Variants in SMG5 observed in about 807,000 individuals in gnomAD.
SMG5 encodes the protein nonsense-mediated mRNA decay factor SMG5.
A neutral mutation model predicts 122.9 loss-of-function variants in SMG5; 53 were observed. The ratio of observed to expected loss-of-function variants is 0.43; its 90% confidence interval spans 0.35 to 0.54. SMG5 has a LOEUF of 0.54. SMG5 is among the 20% of genes least tolerant of loss of function. The probability of loss-of-function intolerance (pLI) is 0.01; values close to 1 mark genes in which losing one functional copy is unlikely to be tolerated. For missense variants in SMG5, 1,153 were observed against 1,285.6 expected, an observed-to-expected ratio of 0.90 and a Z score of 1.58; for synonymous variants, 477 against 490.2, an observed-to-expected ratio of 0.97 and a Z score of 0.35.
chr1:156,278,924 T>C lies in SMG5; in HGVS notation c.173+12A>G. On this transcript the variant is annotated intron_variant, in intron 2 of 21. Transcript: ENST00000361813. Reference sequence around the variant, plus strand: ...AACAGTAAGGATCTGTGGTTTAGAGTCTCTAGCTTACTTGTTCCTCAGGCT... The same window carrying C: ...AACAGTAAGGATCTGTGGTTTAGAGCCTCTAGCTTACTTGTTCCTCAGGCT... 1 of 1,606,500 alleles carries C rather than the reference T, an allele frequency of 6.2e-7. No homozygotes were observed. Among genetic ancestry groups the C allele is most frequent in the Non-Finnish European group, 8.5e-7 (1 of 1,173,108 alleles).
chr1:156,282,616 C>T lies in SMG5; in HGVS notation c.65G>A (p.Arg22Gln), dbSNP rs1384175609. ...CCCTGGCCCCTCTCACCGGTAAAGC[C>T]GCTTAGTGTGGAGGACTTTTGCTTC... ...EPEAKVLHTK[R>Q]LYRAVVEAVH... The change falls in exon 1 of 22, where the codon CGG becomes CAG. Residue 22 changes from arginine to glutamine, a missense_variant. Physicochemically the swap from Arg to Gln is conservative, Grantham distance 43. Coordinates refer to ENST00000361813, the MANE Select transcript of SMG5 (RefSeq NM_015327.3). 1 of 1,608,856 alleles carries T rather than the reference C, an allele frequency of 6.2e-7. No individual in the cohort carries two copies. Among genetic ancestry groups the T allele is most frequent in the Non-Finnish European group, 8.5e-7 (1 of 1,179,666 alleles).
In SMG5 at chr1:156,253,448, C is replaced by T. The variant is rs774964884; in HGVS notation, c.2502+1G>A. The T allele has an allele frequency of 6.2e-7, 1 of 1,614,092 alleles. No individual in the cohort carries two copies. Among genetic ancestry groups the T allele is most frequent in the Non-Finnish European group, 8.5e-7 (1 of 1,180,012 alleles). On this transcript the variant is annotated splice_donor_variant, in intron 17 of 21. Transcript: ENST00000361813. LOFTEE classifies it high-confidence loss of function. The stretch of plus-strand genomic sequence containing the variant: ...GAAGCACTTGGGTCCTGATTTCCTA[C>T]CTGAAGTCGTAGCTGAGCCATGTCT...
At chr1:156,270,389 A>G (rs1414297445) in intron 7 of SMG5, among the ~76,000 whole-genome samples, 4 of 152,232 alleles carry the variant, frequency 2.6e-5, no homozygotes, top group African/African-American at 9.6e-5. Flanking sequence ...GCATGGTCCT[A>G]AGACCACACA....
chr1:156,262,259 G>A (rs1019089599), intron 13 of SMG5, among the ~76,000 whole-genome samples: 9 of 152,110 alleles, frequency 5.9e-5, no homozygotes, highest in African/African-American at 1.7e-4. Flanking sequence ...CACTTTGGGA[G>A]GCTGAGGCAG....
chr1:156,282,682 G>A lies in SMG5; in HGVS notation c.-2C>T, dbSNP rs1333965681. The A allele has an allele frequency of 3.1e-6, 5 of 1,601,054 alleles. No individual in the cohort carries two copies. The highest frequency in any genetic ancestry group is 1.7e-5 in the Admixed American group (1 of 59,578). On this transcript the variant is annotated 5_prime_UTR_variant, in exon 1 of 22. Transcript: ENST00000361813. ...CCCTGTGGGGGGGCCTTGGCTCATG[G>A]TGCCCGGGTCCGGGGGCAGCTCCCG...
chr1:156,250,529 G>A lies in SMG5; in HGVS notation c.*58C>T. On this transcript the variant is annotated 3_prime_UTR_variant, in exon 22 of 22. Transcript: ENST00000361813. ...GTGACTACAGGTGCTGGTCCTGGCT[G>A]CCAGGGAGGGCAGGAGAGATCTGGA... The A allele has an allele frequency of 1.3e-6, 2 of 1,482,892 alleles. No individual in the cohort carries two copies. Among genetic ancestry groups the A allele is most frequent in the South Asian group, 1.1e-5 (1 of 88,366 alleles). The allele number at this position is 1,482,892 out of a possible 1,614,324, so 91.9% of individuals were successfully genotyped here.
rs531083000 is a variant in SMG5, at chr1:156,278,787, C to A, written c.173+149G>T. The A allele has an allele frequency of 2.1e-4, 139 of 670,542 alleles. 3 individuals are homozygous for A. The South Asian group carries it at 2.4e-3, about 12-fold the overall frequency. The allele number at this position is 670,542 out of a possible 1,614,324, so 41.5% of individuals were successfully genotyped here. ...GATGGAGTGAGGGATCCTATCTCCT[C>A]TCTTAGGAAGGCCAGAGATTTCAGA... On this transcript the variant is annotated intron_variant, in intron 2 of 21. Transcript: ENST00000361813.
chr1:156,255,060 C>T (rs1419749375), intron 16 of SMG5, among the ~76,000 whole-genome samples: 2 of 151,620 alleles, frequency 1.3e-5, no homozygotes, highest in Admixed American at 1.3e-4. Flanking sequence ...CACTGTACTA[C>T]AGCCTGGGTG....
chr1:156,267,810 T>G (rs1045441719), intron 9 of SMG5, 132 bp from the exon 10 acceptor site: 2 of 800,338 alleles, frequency 2.5e-6, no homozygotes, highest in Non-Finnish European at 4.0e-6. Flanking sequence ...CAGGGAAGGG[T>G]AGTGCTGGAT....
chr1:156,270,498 C>T (rs745958648), intron 7 of SMG5, among the ~76,000 whole-genome samples: 25 of 152,326 alleles, frequency 1.6e-4, no homozygotes, highest in Middle Eastern at 3.4e-3. Flanking sequence ...TAGGAGAAGG[C>T]GGATTGCCCA....
Position 156,265,875 on chromosome 1 carries a change from A to G in SMG5, c.1761T>C (p.Phe587=). The part of the protein sequence containing the change: ...TKRCFRLAPT[F]SNLLLQPTTN... ...TGGTGGGCTGGAGGAGCAGGTTGCT[A>G]AAGGTGGGGGCCAGTCGGAAGCAGC... Residue 587 remains phenylalanine (F), a synonymous_variant, in exon 12 of 22, where the codon TTT becomes TTC. Transcript: ENST00000361813. 6.2e-7 allele frequency: 1 copy of G among 1,614,038 alleles called. No homozygotes were observed. The highest frequency in any genetic ancestry group is 1.1e-5 in the South Asian group (1 of 91,068).
At chr1:156,269,819 G>A (rs1303592254) in intron 7 of SMG5, among the ~76,000 whole-genome samples, 3 of 152,194 alleles carry the variant, frequency 2.0e-5, no homozygotes, top group Non-Finnish European at 4.4e-5. Flanking sequence ...AGCTTGCAGC[G>A]AGCTGAGATC....
chr1:156,253,552 C>T (rs1184747288), intron 16 of SMG5, 44 bp from the exon 17 acceptor site: 1 of 1,591,588 alleles, frequency 6.3e-7, no homozygotes, highest in East Asian at 2.2e-5. Flanking sequence ...GGTGTATTTT[C>T]CCTTCTCCAG....
At chr1:156,261,766 T>G (rs143135497) in intron 13 of SMG5, among the ~76,000 whole-genome samples, 3,447 of 151,864 alleles carry the variant, frequency 0.023, 136 homozygotes, top group African/African-American at 0.08. Context: ...GGCAGGTGCC[T>G]ATAATCCCAG....
intron 2 of SMG5, among the ~76,000 whole-genome samples, chr1:156,278,491 A>G (rs1307497042): frequency 1.3e-5 from 2 of 151,450 alleles, no homozygotes; most frequent in Admixed American, 6.6e-5. Flanking sequence ...GCCTAACTAC[A>G]GGTGTGCGGG....
chr1:156,261,894 A>G (rs1421683551), intron 13 of SMG5, among the ~76,000 whole-genome samples: 1 of 91,864 alleles, frequency 1.1e-5, no homozygotes, highest in Non-Finnish European at 2.9e-5. Flanking sequence ...CCTTCTCAAA[A>G]AAAAAAAAAA....
In SMG5 at chr1:156,249,418, C is replaced by T. The variant is rs1460627455; in HGVS notation, c.*1169G>A. ...GGGTGGGGGCAGCAGAGCTGAGACCCTCCACCCCGAGCCCCTAGCCTGTGC... is the reference window on the plus strand; with the variant it reads ...GGGTGGGGGCAGCAGAGCTGAGACCTTCCACCCCGAGCCCCTAGCCTGTGC... On this transcript the variant is annotated 3_prime_UTR_variant, in exon 22 of 22. Transcript: ENST00000361813. 3.2e-6 allele frequency: 1 copy of T among 307,824 alleles called. No individual in the cohort carries two copies. The highest frequency in any genetic ancestry group is 8.8e-5 in the East Asian group (1 of 11,364). 19.1% of individuals were successfully genotyped at this position (307,824 alleles called of 1,614,324 possible).
chr1:156,282,782 C>A lies in SMG5; in HGVS notation c.-102G>T, dbSNP rs1663027007. 8.0e-7 allele frequency: 1 copy of A among 1,252,870 alleles called. No individual in the cohort carries two copies. Among genetic ancestry groups the A allele is most frequent in the African/African-American group, 1.5e-5 (1 of 64,946 alleles). 77.6% of individuals were successfully genotyped at this position (1,252,870 alleles called of 1,614,324 possible). On this transcript the variant is annotated 5_prime_UTR_variant, in exon 1 of 22. Coordinates refer to ENST00000361813, the MANE Select transcript of SMG5 (RefSeq NM_015327.3). The stretch of plus-strand genomic sequence containing the variant: ...CCGTAGCCGCAGCCGCCGCCGCCAC[C>A]GGCCCTGCTCGGCCGCCATCGCTGT...
At chr1:156,267,406 A>C in intron 10 of SMG5, 64 bp downstream of exon 10, 1 of 1,503,072 alleles carries the variant, frequency 6.7e-7, no homozygotes, top group Admixed American at 1.7e-5. Context: ...AAGGAGCTGC[A>C]GAAAAGGGGA....
Sources: gnomAD v4.1 joint callset for allele counts (sites outside exome capture counted in the v4.1 genomes callset) on GRCh38, gnomAD v4.1.1 for gene constraint, MANE v1.5 for transcripts, NCBI Gene and HGNC (gene_info 2026-07-23, HGNC 2026-07-21) for gene names.